Variants in TENM3 observed in about 807,000 individuals in gnomAD.
The protein encoded by TENM3 is teneurin-3.
Under a neutral mutation model 255.1 loss-of-function variants are expected in TENM3, and 63 were observed. The ratio of observed to expected loss-of-function variants is 0.25; its 90% CI spans 0.20 to 0.30. The LOEUF (loss-of-function observed/expected upper bound fraction) is 0.30. Ranked by LOEUF, TENM3 falls within the 10% of genes least tolerant of loss-of-function variation. The pLI is 1.00. For synonymous variants in TENM3, 1,306 were observed against 1,322.3 expected (o/e 0.99, Z 0.27); for missense variants, 2,929 against 3,461.1 (o/e 0.85, Z 3.86).
intron 4 of TENM3, among the ~76,000 whole-genome samples, chr4:182,615,016 G>C (rs1466084935): frequency 8.0e-6 from 1 of 124,780 alleles, no homozygotes; most frequent in Non-Finnish European, 1.6e-5. Context: ...TAGGGAAAAG[G>C]CATGTTTCTC....
At chr4:182,135,829 T>A in the TENM3 span, among the ~76,000 whole-genome samples, 2 of 152,240 alleles carry the variant, frequency 1.3e-5, no homozygotes, top group Admixed American at 6.5e-5. Context: ...TGCTTACATA[T>A]CCTTAGTTGA....
intron 12 of TENM3, among the ~76,000 whole-genome samples, chr4:182,696,640 G>T (rs201811337): frequency 6.6e-6 from 1 of 151,920 alleles, no homozygotes; most frequent in Non-Finnish European, 1.5e-5. Flanking sequence ...CAGGAGAATC[G>T]CTTGAACCAG....
chr4:182,379,456 A>G (rs149688191), intron 3 of TENM3, among the ~76,000 whole-genome samples: 5 of 152,300 alleles, frequency 3.3e-5, no homozygotes, highest in African/African-American at 1.2e-4. Context: ...AAGTCCCCAC[A>G]GTGTATCCCA....
the TENM3 span, among the ~76,000 whole-genome samples, chr4:181,851,638 G>A: frequency 7.2e-5 from 11 of 151,814 alleles, no homozygotes; most frequent in African/African-American, 1.7e-4. Context: ...ATGCACACAT[G>A]CACACACGCA....
the TENM3 span, among the ~76,000 whole-genome samples, chr4:181,893,903 A>T: frequency 6.6e-6 from 1 of 152,178 alleles, no homozygotes; most frequent in African/African-American, 2.4e-5. Flanking sequence ...AGAGAACTAT[A>T]CACTTAGCAA....
chr4:182,540,428 A>G (rs1008974752), intron 3 of TENM3, among the ~76,000 whole-genome samples: 1 of 152,110 alleles, frequency 6.6e-6, no homozygotes, highest in Non-Finnish European at 1.5e-5. Context: ...CGTCTCTACT[A>G]AAAATACAAA....
chr4:182,584,901 C>G (rs1289043641), intron 3 of TENM3, among the ~76,000 whole-genome samples: 5 of 152,114 alleles, frequency 3.3e-5, no homozygotes, highest in Non-Finnish European at 5.9e-5. Context: ...CTCGGCCTCC[C>G]AAAGTGCAGG....
the TENM3 span, among the ~76,000 whole-genome samples, chr4:181,710,150 C>A: frequency 2.0e-5 from 3 of 151,980 alleles, no homozygotes; most frequent in Admixed American, 6.6e-5. Context: ...AAATAAGAAC[C>A]TAGATAGAAA....
the TENM3 span, among the ~76,000 whole-genome samples, chr4:181,530,521 T>C: frequency 6.6e-6 from 1 of 152,190 alleles, no homozygotes; most frequent in Non-Finnish European, 1.5e-5. Context: ...AAGCTGGTCC[T>C]AAGGTAGATC....
At chr4:182,610,744 C>CTTT (rs34833684) in intron 4 of TENM3, among the ~76,000 whole-genome samples, 2,343 of 134,388 alleles carry the variant, frequency 0.017, 72 homozygotes, top group African/African-American at 0.053. Context: ...ACTAAAGTTA[C>CTTT]TTTTTTTTTT....
the TENM3 span, among the ~76,000 whole-genome samples, chr4:181,728,715 A>C: frequency 6.6e-6 from 1 of 151,990 alleles, no homozygotes; most frequent in African/African-American, 2.4e-5. Context: ...AGTCTTTGTG[A>C]CCTGTATCTT....
chr4:181,894,292 T>C, the TENM3 span, among the ~76,000 whole-genome samples: 2 of 152,142 alleles, frequency 1.3e-5, no homozygotes, highest in Non-Finnish European at 2.9e-5. Flanking sequence ...TCTACCGTAA[T>C]TACATGAGGG....
At chr4:182,587,351 T>C (rs1330302303) in intron 3 of TENM3, among the ~76,000 whole-genome samples, 1 of 152,114 alleles carries the variant, frequency 6.6e-6, no homozygotes, top group Non-Finnish European at 1.5e-5. Flanking sequence ...GCGGATCACC[T>C]GAGGTCAGGA....
At chr4:182,322,558 G>T (rs923197591) in intron 1 of TENM3, among the ~76,000 whole-genome samples, 22 of 152,152 alleles carry the variant, frequency 1.4e-4, no homozygotes, top group African/African-American at 5.3e-4. Flanking sequence ...CAACAGAAAG[G>T]ATCAAGAATT....
the TENM3 span, among the ~76,000 whole-genome samples, chr4:181,959,037 T>G: frequency 6.6e-6 from 1 of 152,160 alleles, no homozygotes; most frequent in Non-Finnish European, 1.5e-5. Context: ...TGAATGGTTT[T>G]TTGTTGTTGT....
At chr4:182,083,116 A>G in the TENM3 span, among the ~76,000 whole-genome samples, 1,236 of 152,334 alleles carry the variant, frequency 8.1e-3, 13 homozygotes, top group African/African-American at 0.028. Flanking sequence ...AAGTTCACAT[A>G]CTTAAGGAAT....
chr4:182,537,345 T>C (rs1740435970), intron 3 of TENM3, among the ~76,000 whole-genome samples: 1 of 152,190 alleles, frequency 6.6e-6, no homozygotes, highest in Non-Finnish European at 1.5e-5. Flanking sequence ...TAAATATCAT[T>C]GCCGTCTCTT....
Position 182,680,646 on chromosome 4 carries a change from G to C in TENM3, c.1743G>C (p.Gln581His), listed in dbSNP as rs367968153. ...KGTECDVPTT[Q>H]CIDPQCGGRG... ...CCGAGTGTGATGTGCCGACTACCCA[G>C]TGTATTGACCCACAGTGTGGGGGTC... The change falls in exon 10 of 28, where the codon CAG (glutamine) becomes CAC (histidine). Residue 581 changes from glutamine to histidine, a missense_variant. By Grantham distance (24) the Gln-to-His change is conservative. Coordinates refer to ENST00000511685, the MANE Select transcript of TENM3 (RefSeq NM_001080477.4). 2.0e-4 allele frequency: 328 copies of C among 1,613,112 alleles called. No individual in the cohort carries two copies. Among genetic ancestry groups the C allele is most frequent in the Non-Finnish European group, 2.7e-4 (316 of 1,179,732 alleles).
intron 22 of TENM3, among the ~76,000 whole-genome samples, chr4:182,764,098 T>C (rs1397371947): frequency 6.6e-6 from 1 of 152,220 alleles, no homozygotes; most frequent in East Asian, 1.9e-4. Flanking sequence ...AAAGCAGCTA[T>C]GCCACCTAAA....
Sources: allele counts gnomAD v4.1 joint callset (sites outside exome capture counted in the v4.1 genomes callset), GRCh38; gene constraint gnomAD v4.1.1; transcripts MANE v1.5; gene names NCBI Gene and HGNC (gene_info 2026-07-23, HGNC 2026-07-21).